The following DNAH14 variants were observed in gnomAD, a reference collection of about 807,000 sequenced individuals.
The protein encoded by DNAH14 is dynein axonemal heavy chain 14.
A neutral mutation model predicts 520.9 loss-of-function variants in DNAH14; 478 were observed. That is an observed-to-expected ratio of 0.92 (90% CI 0.85 to 0.99). The LOEUF (loss-of-function observed/expected upper bound fraction) is 0.99. DNAH14 is among the 50% of genes least tolerant of loss of function. DNAH14 has a pLI of 0.00. For missense variants in DNAH14, 4,831 were observed against 5,234.5 expected, an observed-to-expected ratio of 0.92 and a Z score of 2.38; for synonymous variants, 1,581 against 1,757.2, an observed-to-expected ratio of 0.90 and a Z score of 2.51.
intron 31 of DNAH14, among the ~76,000 whole-genome samples, chr1:225,148,882 C>T (rs1573510437): frequency 6.6e-6 from 1 of 151,974 alleles, no homozygotes; most frequent in Non-Finnish European, 1.5e-5. Context: ...AATTTTCTTC[C>T]GTTCTGTGGG....
At chr1:225,136,472 A>C (rs184035616) in intron 27 of DNAH14, among the ~76,000 whole-genome samples, 56 of 152,262 alleles carry the variant, frequency 3.7e-4, no homozygotes, top group African/African-American at 1.3e-3. Context: ...AAGAAGTTGA[A>C]TATTGGCCCC....
intron 23 of DNAH14, 22 bp from the exon 24 acceptor site, chr1:225,117,662 C>T (rs1424444501): frequency 3.5e-6 from 5 of 1,410,176 alleles, no homozygotes; most frequent in Non-Finnish European, 4.8e-6. Flanking sequence ...TTCTGAATTG[C>T]ATTTCTTTTG....
chr1:225,371,646 T>G (rs2095619957), intron 77 of DNAH14, among the ~76,000 whole-genome samples: 1 of 152,160 alleles, frequency 6.6e-6, no homozygotes, highest in Admixed American at 6.5e-5. Flanking sequence ...GTTGATTATA[T>G]AATTGTACGT....
At chr1:225,167,108 A>C (rs1163914752) in intron 35 of DNAH14, among the ~76,000 whole-genome samples, 1 of 152,318 alleles carries the variant, frequency 6.6e-6, no homozygotes, top group Non-Finnish European at 1.5e-5. Flanking sequence ...ATTCCACTTA[A>C]GAGAGCAATT....
intron 27 of DNAH14, among the ~76,000 whole-genome samples, chr1:225,138,265 C>A (rs2079133290): frequency 6.6e-6 from 1 of 152,204 alleles, no homozygotes; most frequent in African/African-American, 2.4e-5. Flanking sequence ...TTGTCTGGAC[C>A]ATCTGCACTC....
At chr1:225,270,910 T>C (rs2093298355) in intron 50 of DNAH14, 44 bp downstream of exon 50, 2 of 1,511,630 alleles carry the variant, frequency 1.3e-6, no homozygotes, top group Non-Finnish European at 1.8e-6. Context: ...ATTAATTCCC[T>C]AGAATAAGGA....
chr1:225,050,266 T>G lies in DNAH14; in HGVS notation c.1969T>G (p.Ser657Ala). The G allele has an allele frequency of 6.5e-7, 1 of 1,550,226 alleles. No individual in the cohort carries two copies. The highest frequency in any genetic ancestry group is 8.7e-7 in the Non-Finnish European group (1 of 1,146,544). ...PQLSIFIDLV[S>A]IMDLPNKTGS... ...GCTGTCTATCTTCATTGATTTGGTT[T>G]CAATAATGGATTTACCTAATAAGAC... is the stretch of plus-strand genomic sequence containing the variant. The change falls in exon 16 of 86, where the codon TCA becomes GCA. Residue 657 changes from serine to alanine, a missense_variant. By Grantham distance (99) the Ser-to-Ala change is moderately conservative. Transcript: ENST00000682510.
At chr1:225,342,108 C>G (rs1188607733) in intron 69 of DNAH14, among the ~76,000 whole-genome samples, 1 of 152,178 alleles carries the variant, frequency 6.6e-6, no homozygotes, top group African/African-American at 2.4e-5. Context: ...TTTGTCTAAT[C>G]TAAAGCCCAT....
rs754809851 is a variant in DNAH14 at position 225,094,428 on chromosome 1, A to G, written c.3574-2690A>G. On this transcript the variant is annotated intron_variant, in intron 21 of 85. Coordinates refer to ENST00000682510, the MANE Select transcript of DNAH14 (RefSeq NM_001367479.1). ...CTGGAATAACTGGCTAGCCATATGC[A>G]GAAGATTGAAACTGGAACCCTTCCT... 2.9e-4 allele frequency among the ~76,000 whole-genome samples: 44 copies of G among 152,124 alleles called. 1 individual carries two copies. Among genetic ancestry groups the G allele is most frequent in the Non-Finnish European group, 2.9e-4 (20 of 68,000 alleles).
intron 1 of DNAH14, among the ~76,000 whole-genome samples, chr1:224,951,021 T>C (rs1182302261): frequency 1.3e-5 from 2 of 152,204 alleles, no homozygotes; most frequent in Non-Finnish European, 2.9e-5. Flanking sequence ...ATTTACTCTT[T>C]GGCTCTTTTT....
At position 225,318,474 on chromosome 1, in the gene DNAH14, G is replaced by A. The variant is rs926662333; in HGVS notation, c.9241-109G>A. Reference sequence around the variant, plus strand: ...AAGTCATAAAAGATGCATAACTTATGGGCATTGTAAAAATATCAAATTATA... The same window carrying A: ...AAGTCATAAAAGATGCATAACTTATAGGCATTGTAAAAATATCAAATTATA... On this transcript the variant is annotated intron_variant, in intron 60 of 85. Transcript: ENST00000682510. 7.7e-5 allele frequency: 73 copies of A among 951,840 alleles called. 1 individual carries two copies. The highest frequency in any genetic ancestry group is 2.8e-4 in the Admixed American group (10 of 35,438). 59.0% of individuals were successfully genotyped at this position (951,840 alleles called of 1,614,324 possible).
At position 225,335,389 on chromosome 1, in the gene DNAH14, A is replaced by C. The variant is rs1175581683; in HGVS notation, c.10081-1877A>C. Among the ~76,000 whole-genome samples, 4 of 104,930 alleles carry C rather than the reference A, an allele frequency of 3.8e-5. 1 individual carries two copies. The highest frequency in any genetic ancestry group is 2.9e-4 in the Admixed American group (3 of 10,452). 68.8% of individuals were successfully genotyped at this position (104,930 alleles called of 152,430 possible). ...TGTACATGTGTGTGTATATGCACAT[A>C]TACACATGTGTACATGTGTGTGTAT... On this transcript the variant is annotated intron_variant, in intron 66 of 85. Transcript: ENST00000682510.
At chr1:225,352,463 C>T (rs2095378730) in intron 72 of DNAH14, among the ~76,000 whole-genome samples, 1 of 152,030 alleles carries the variant, frequency 6.6e-6, no homozygotes, top group Non-Finnish European at 1.5e-5. Context: ...TTTTCCTTTG[C>T]TTTTATTTCT....
chr1:225,346,273 C>T lies in DNAH14; in HGVS notation c.10990C>T (p.His3664Tyr), dbSNP rs2095284817. 2 of 1,551,240 alleles carry T rather than the reference C, an allele frequency of 1.3e-6. No homozygotes were observed. The highest frequency in any genetic ancestry group is 1.4e-5 in the African/African-American group (1 of 73,122). ...KREKVSPKEVHEFISISKEPN... is the reference protein window; with the variant it reads ...KREKVSPKEVYEFISISKEPN... ...GGAGAAAGTGTCTCCAAAAGAAGTT[C>T]ATGAGTTTATAAGTATTTCAAAAGA... The change falls in exon 70 of 86, where the codon CAT becomes TAT. Residue 3664 changes from histidine to tyrosine, a missense_variant. Coordinates refer to ENST00000682510, the MANE Select transcript of DNAH14 (RefSeq NM_001367479.1).
chr1:225,252,355 A>G lies in DNAH14; in HGVS notation c.6803A>G (p.Glu2268Gly). 1 of 1,550,230 alleles carries G rather than the reference A, an allele frequency of 6.5e-7. No individual in the cohort carries two copies. The stretch of plus-strand genomic sequence containing the variant: ...ATCTTTGGATATTTTGTGGATATAG[A>G]GCAATGTGAATTCATACCTTGGTCA... ...CSIFGYFVDI[E>G]QCEFIPWSDL... is the part of the protein sequence containing the mutation. Residue 2268 changes from glutamate (E) to glycine (G), a missense_variant, in exon 44 of 86, where the codon GAG (glutamate) becomes GGG (glycine). Coordinates refer to ENST00000682510, the MANE Select transcript of DNAH14 (RefSeq NM_001367479.1).
chr1:225,000,279 T>A (rs1326219508), intron 8 of DNAH14, among the ~76,000 whole-genome samples: 4 of 152,178 alleles, frequency 2.6e-5, no homozygotes, highest in African/African-American at 9.6e-5. Context: ...ATGGATAAAG[T>A]GTTTTTCCTC....
intron 72 of DNAH14, 114 bp downstream of exon 72, chr1:225,351,997 T>G: frequency 1.3e-6 from 1 of 770,570 alleles, no homozygotes; most frequent in Non-Finnish European, 2.0e-6. Flanking sequence ...AAGGGAGGAC[T>G]ATAACTACAT....
At chr1:225,270,245 TCTCA>T (rs199992703) in intron 49 of DNAH14, among the ~76,000 whole-genome samples, 16,426 of 147,784 alleles carry the variant, frequency 0.11, 1,346 homozygotes, top group East Asian at 0.24. Context: ...CACCGCATGT[TCTCA>T]CTCATAGGTG....
intron 42 of DNAH14, among the ~76,000 whole-genome samples, chr1:225,234,544 A>G (rs976806216): frequency 6.6e-6 from 1 of 152,094 alleles, no homozygotes; most frequent in African/African-American, 2.4e-5. Flanking sequence ...TTTTGGTTCC[A>G]TATGAATTTT....
Sources: gnomAD v4.1 joint callset for allele counts (sites outside exome capture counted in the v4.1 genomes callset) on GRCh38, gnomAD v4.1.1 for gene constraint, MANE v1.5 for transcripts, NCBI Gene and HGNC (gene_info 2026-07-23, HGNC 2026-07-21) for gene names.